FSHR: variants seen among roughly 807,000 people sequenced by gnomAD.
FSHR encodes the protein follicle-stimulating hormone receptor.
A neutral mutation model predicts 52.1 loss-of-function variants in FSHR; 46 were observed. That is an observed-to-expected ratio of 0.88 (90% CI 0.70 to 1.13). The LOEUF is 1.13. FSHR is among the 50% of genes most tolerant of loss of function. The probability of loss-of-function intolerance (pLI) is 0.00; values close to 1 mark genes in which losing one functional copy is unlikely to be tolerated. For synonymous variants in FSHR, 399 were observed against 309.6 expected (o/e 1.29, Z -3.03); for missense variants, 964 against 834.6 (o/e 1.16, Z -1.91).
At chr2:49,010,398 A>T (rs1183283579) in intron 4 of FSHR, among the ~76,000 whole-genome samples, 4 of 151,918 alleles carry the variant, frequency 2.6e-5, no homozygotes. Context: ...ATGGTGGATA[A>T]GCTTTTTGAT....
intron 2 of FSHR, among the ~76,000 whole-genome samples, chr2:49,039,731 T>G (rs977279472): frequency 3.3e-5 from 5 of 152,206 alleles, no homozygotes; most frequent in African/African-American, 1.2e-4. Context: ...GGCCATCAGT[T>G]TCCTCTAAAA....
intron 2 of FSHR, among the ~76,000 whole-genome samples, chr2:49,029,854 G>C (rs1026630826): frequency 1.3e-5 from 2 of 152,094 alleles, no homozygotes; most frequent in African/African-American, 2.4e-5. Context: ...ATGATCTCCA[G>C]GGTCCCTGCT....
chr2:48,993,931 A>C (rs963787283), intron 4 of FSHR, among the ~76,000 whole-genome samples: 6 of 152,170 alleles, frequency 3.9e-5, no homozygotes, highest in African/African-American at 9.7e-5. Flanking sequence ...CCCCTGATTT[A>C]TTCTCAATAT....
intron 1 of FSHR, among the ~76,000 whole-genome samples, chr2:49,127,177 A>G (rs1036352153): frequency 1.3e-5 from 2 of 152,016 alleles, no homozygotes; most frequent in Non-Finnish European, 2.9e-5. Flanking sequence ...AAAATACAAA[A>G]ATTAGCTGGG....
intron 1 of FSHR, among the ~76,000 whole-genome samples, chr2:49,127,870 TCTTCTTCTTCTTCTTCTTCTTC>T (rs1672109607): frequency 2.2e-5 from 1 of 44,792 alleles, no homozygotes; most frequent in African/African-American, 1.8e-4. Context: ...TTCTTCTTCT[TCTTCTTCTTCTTCTTCTTCTTC>T]TTCTTCTTTT....
intron 8 of FSHR, 118 bp from the exon 9 acceptor site, chr2:48,969,001 A>G (rs1674611719): frequency 8.5e-6 from 8 of 936,974 alleles, no homozygotes; most frequent in African/African-American, 6.6e-5. Context: ...GAGGAGAGAG[A>G]CTCCGGTTCC....
At chr2:49,139,187 G>GGCCCAC (rs1314105081) in intron 1 of FSHR, among the ~76,000 whole-genome samples, 1 of 152,114 alleles carries the variant, frequency 6.6e-6, no homozygotes. Context: ...CAGGAGACTT[G>GGCCCAC]GCCCACATAG....
At chr2:49,026,118 G>T (rs1256575648) in intron 2 of FSHR, among the ~76,000 whole-genome samples, 1 of 152,144 alleles carries the variant, frequency 6.6e-6, no homozygotes, top group African/African-American at 2.4e-5. Flanking sequence ...GTCTTTGCTA[G>T]AGTCATCCTA....
At chr2:48,994,993 A>G (rs1675958204) in intron 4 of FSHR, among the ~76,000 whole-genome samples, 1 of 152,168 alleles carries the variant, frequency 6.6e-6, no homozygotes, top group South Asian at 2.1e-4. Flanking sequence ...ATTCTTACCT[A>G]TTCTGCCATA....
chr2:49,140,435 T>C (rs1312803880), intron 1 of FSHR, among the ~76,000 whole-genome samples: 6 of 152,214 alleles, frequency 3.9e-5, no homozygotes, highest in Admixed American at 3.9e-4. Flanking sequence ...ATATCAGCTC[T>C]ATGCTTTCTG....
chr2:49,007,636 G>A (rs1667116827), intron 4 of FSHR, among the ~76,000 whole-genome samples: 1 of 152,080 alleles, frequency 6.6e-6, no homozygotes, highest in African/African-American at 2.4e-5. Flanking sequence ...CATGAATGAT[G>A]TATTTCCATG....
At chr2:48,984,240 G>C (rs988567492) in intron 6 of FSHR, among the ~76,000 whole-genome samples, 1 of 152,160 alleles carries the variant, frequency 6.6e-6, no homozygotes, top group Admixed American at 6.5e-5. Flanking sequence ...CCAGAAAGGG[G>C]CGAGGCAAAT....
chr2:49,031,766 T>A (rs1224787870), intron 2 of FSHR, among the ~76,000 whole-genome samples: 2 of 152,238 alleles, frequency 1.3e-5, no homozygotes, highest in Non-Finnish European at 2.9e-5. Context: ...TTAGCCTCTC[T>A]GAGCCTCGGT....
chr2:49,087,517 C>T (rs956812847), intron 1 of FSHR, among the ~76,000 whole-genome samples: 11 of 152,060 alleles, frequency 7.2e-5, no homozygotes, highest in African/African-American at 2.7e-4. Flanking sequence ...AGTATCTGCC[C>T]TAATTAGCTT....
chr2:48,964,480 C>G (rs375230215), intron 9 of FSHR, among the ~76,000 whole-genome samples: 1 of 152,188 alleles, frequency 6.6e-6, no homozygotes, highest in Non-Finnish European at 1.5e-5. Context: ...AGCCCCTATT[C>G]CCTGGCTCTT....
chr2:49,135,543 T>C (rs1672460085), intron 1 of FSHR, among the ~76,000 whole-genome samples: 1 of 152,072 alleles, frequency 6.6e-6, no homozygotes, highest in African/African-American at 2.4e-5. Context: ...ACCTTCATCA[T>C]AAGATCCTGG....
chr2:49,019,851 T>A (rs139185073), intron 3 of FSHR, among the ~76,000 whole-genome samples: 3 of 152,320 alleles, frequency 2.0e-5, no homozygotes, highest in African/African-American at 7.2e-5. Context: ...TTCTTGGGTC[T>A]ATGATGCAAA....
chr2:49,022,588 G>A (rs185708732), intron 2 of FSHR, among the ~76,000 whole-genome samples: 1 of 152,230 alleles, frequency 6.6e-6, no homozygotes, highest in African/African-American at 2.4e-5. Flanking sequence ...TGCTTGTGAG[G>A]TTGGTATTTT....
intron 2 of FSHR, among the ~76,000 whole-genome samples, chr2:49,037,443 G>T (rs1409626672): frequency 6.6e-6 from 1 of 152,044 alleles, no homozygotes; most frequent in African/African-American, 2.4e-5. Flanking sequence ...AACCATAAAA[G>T]GAAACACCAT....
Sources: allele counts gnomAD v4.1 joint callset (sites outside exome capture counted in the v4.1 genomes callset), GRCh38; gene constraint gnomAD v4.1.1; transcripts MANE v1.5; gene names NCBI Gene and HGNC (gene_info 2026-07-23, HGNC 2026-07-21).